Variants in RPP14 observed in about 807,000 individuals in gnomAD.
RPP14 encodes the protein ribonuclease P/MRP subunit p14, also known as ribonuclease P protein subunit p14.
In RPP14, 19 loss-of-function variants were observed where a neutral mutation model predicts 17.8. The observed-to-expected ratio is 1.07, with a 90% CI of 0.74 to 1.57. The LOEUF (loss-of-function observed/expected upper bound fraction) is 1.57, where lower values mean the gene tolerates loss of function less well. Ranked by LOEUF, RPP14 falls within the 40% of genes most tolerant of loss-of-function variation. The probability of loss-of-function intolerance (pLI) is 0.00; values close to 1 mark genes in which losing one functional copy is unlikely to be tolerated. For synonymous variants in RPP14, 60 were observed against 56.4 expected, an observed-to-expected ratio of 1.06 and a Z score of -0.29; for missense variants, 125 against 140.8, an observed-to-expected ratio of 0.89 and a Z score of 0.57.
At chr3:58,316,399 A>G in intron 3 of RPP14, 116 bp from the exon 4 acceptor site, 3 of 932,670 alleles carry the variant, frequency 3.2e-6, no homozygotes, top group Non-Finnish European at 5.1e-6. Flanking sequence ...GCACCATTAA[A>G]TAAAATACTG....
At chr3:58,313,387 A>G (rs2097484593) in intron 3 of RPP14, among the ~76,000 whole-genome samples, 1 of 152,274 alleles carries the variant, frequency 6.6e-6, no homozygotes, top group Non-Finnish European at 1.5e-5. Flanking sequence ...CTTTGAGAAC[A>G]GAAGTAGAGA....
chr3:58,310,219 CAAAA>C (rs1002160792), intron 1 of RPP14, 86 bp from the exon 2 acceptor site: 3 of 977,970 alleles, frequency 3.1e-6, no homozygotes, highest in African/African-American at 1.6e-5. Flanking sequence ...AACAAACAAA[CAAAA>C]AAAACCCAAA....
chr3:58,314,348 C>CTT (rs2097485898), intron 3 of RPP14, among the ~76,000 whole-genome samples: 1 of 151,830 alleles, frequency 6.6e-6, no homozygotes, highest in South Asian at 2.1e-4. Flanking sequence ...GAGACTCTGT[C>CTT]TCAAAAAAAT....
chr3:58,309,690 G>C (rs1226492337), intron 1 of RPP14, among the ~76,000 whole-genome samples: 1 of 152,124 alleles, frequency 6.6e-6, no homozygotes, highest in Non-Finnish European at 1.5e-5. Flanking sequence ...AGGAGTTCGA[G>C]ACCAGCCTGA....
At chr3:58,306,576 CCGCAGAACGTGGCCGAGAGGCCCGGG>C (rs1489895179) in intron 1 of RPP14, 159 bp downstream of exon 1, 5 of 152,098 alleles carry the variant, frequency 3.3e-5, no homozygotes, top group African/African-American at 1.2e-4. Flanking sequence ...AGGGTCTCGG[CCGCAGAACGTGGCCGAGAGGCCCGGG>C]CGAGACTTCG....
intron 1 of RPP14, among the ~76,000 whole-genome samples, chr3:58,309,472 TTGTTA>T (rs1202338281): frequency 8.5e-5 from 13 of 152,246 alleles, no homozygotes; most frequent in African/African-American, 2.7e-4. Context: ...CAAAATTATG[TTGTTA>T]TGTTTTAAGT....
intron 1 of RPP14, among the ~76,000 whole-genome samples, chr3:58,308,400 C>CA (rs2097478050): frequency 6.6e-6 from 1 of 152,144 alleles, no homozygotes; most frequent in Non-Finnish European, 1.5e-5. Context: ...CCTCCCACCT[C>CA]AGCCCCTGGA....
Position 58,318,143 on chromosome 3 carries a change from C to T in RPP14, c.*647C>T. The stretch of plus-strand genomic sequence containing the variant: ...TGAAATAGATGTTTTAAAGATGCAA[C>T]CTCAAACACCAATGCTGTTGTTAAA... On this transcript the variant is annotated 3_prime_UTR_variant, in exon 6 of 6. Coordinates refer to ENST00000295959, the MANE Select transcript of RPP14 (RefSeq NM_007042.6). 1.6e-6 allele frequency: 1 copy of T among 621,384 alleles called. No homozygotes were observed. Among genetic ancestry groups the T allele is most frequent in the South Asian group, 1.9e-5 (1 of 51,964 alleles). 38.5% of individuals were successfully genotyped at this position (621,384 alleles called of 1,614,324 possible).
At chr3:58,313,833 A>G (rs997748149) in intron 3 of RPP14, among the ~76,000 whole-genome samples, 1 of 152,180 alleles carries the variant, frequency 6.6e-6, no homozygotes, top group Non-Finnish European at 1.5e-5. Context: ...TGAATTACAC[A>G]CTGGGGGAAA....
At position 58,319,339 on chromosome 3, in the gene RPP14, G is replaced by GTAGC. The variant is rs1170809871; in HGVS notation, c.*1844_*1847dup. On this transcript the variant is annotated 3_prime_UTR_variant, in exon 6 of 6. Coordinates refer to ENST00000295959, the MANE Select transcript of RPP14 (RefSeq NM_007042.6). ...AAACGGTCTGATCTGTAAAATAGTGGTAGCACATGCCATGTGGGATAGTTG... is the reference window on the plus strand; with the variant it reads ...AAACGGTCTGATCTGTAAAATAGTGGTAGCTAGCACATGCCATGTGGGATAGTTG... 1 of 152,216 alleles carries GTAGC rather than the reference G, an allele frequency of 6.6e-6. No individual in the cohort carries two copies. 9.4% of individuals were successfully genotyped at this position (152,216 alleles called of 1,614,324 possible). A position where few individuals can be genotyped will look rare whatever the true frequency, so the allele number is the denominator to read the frequency against.
intron 3 of RPP14, among the ~76,000 whole-genome samples, chr3:58,314,675 ATT>A (rs751757663): frequency 0.035 from 3,156 of 90,476 alleles, 47 homozygotes; most frequent in African/African-American, 0.13. Flanking sequence ...GTTTGGCAGT[ATT>A]TTTTTTTTTT....
chr3:58,310,211 CA>C, intron 1 of RPP14, 97 bp from the exon 2 acceptor site: 1 of 795,178 alleles, frequency 1.3e-6, no homozygotes, highest in Non-Finnish European at 2.1e-6. Context: ...TGCCTTAAAA[CA>C]AACAAACAAA....
At chr3:58,308,462 T>C (rs911279676) in intron 1 of RPP14, among the ~76,000 whole-genome samples, 3 of 129,412 alleles carry the variant, frequency 2.3e-5, no homozygotes, top group Non-Finnish European at 5.0e-5. Context: ...TTAAGTTTTT[T>C]TGTTTTTTTT....
chr3:58,310,479 TGA>T (rs2097480955), intron 2 of RPP14, 26 bp from the exon 3 acceptor site: 1 of 1,562,994 alleles, frequency 6.4e-7, no homozygotes, highest in African/African-American at 1.5e-5. Flanking sequence ...AAATTTAATA[TGA>T]CTTTTTTTTT....
intron 3 of RPP14, among the ~76,000 whole-genome samples, chr3:58,313,928 C>G (rs138668652): frequency 2.0e-5 from 3 of 152,152 alleles, no homozygotes; most frequent in Non-Finnish European, 4.4e-5. Flanking sequence ...GGCTCATGCC[C>G]GTAATCCCAA....
At chr3:58,316,308 A>AT (rs549203783) in intron 3 of RPP14, among the ~76,000 whole-genome samples, 28 of 152,344 alleles carry the variant, frequency 1.8e-4, no homozygotes, top group South Asian at 1.4e-3. Flanking sequence ...GGCTCAAAGG[A>AT]TGAGAGACAT....
chr3:58,311,456 A>G (rs1001110062), intron 3 of RPP14, among the ~76,000 whole-genome samples: 4 of 152,124 alleles, frequency 2.6e-5, no homozygotes, highest in Non-Finnish European at 5.9e-5. Context: ...GCCTGGCAAG[A>G]TCTGCTTTTT....
intron 3 of RPP14, among the ~76,000 whole-genome samples, chr3:58,314,934 C>T (rs1373518850): frequency 1.3e-5 from 2 of 152,034 alleles, no homozygotes; most frequent in Non-Finnish European, 2.9e-5. Context: ...ATCCGCCTGC[C>T]TTGGCCTCCC....
intron 1 of RPP14, 41 bp downstream of exon 1, chr3:58,306,458 C>G (rs2097474638): frequency 6.6e-6 from 1 of 152,336 alleles, no homozygotes; most frequent in Non-Finnish European, 1.5e-5. Context: ...TGTCTGGGAG[C>G]CGTCTCAGTT....
Sources: allele counts gnomAD v4.1 joint callset (sites outside exome capture counted in the v4.1 genomes callset), GRCh38; gene constraint gnomAD v4.1.1; transcripts MANE v1.5; gene names NCBI Gene and HGNC (gene_info 2026-07-23, HGNC 2026-07-21).